NAV2: variants seen among roughly 807,000 people sequenced by gnomAD.
NAV2 encodes the protein helicase, APC down-regulated 1.
A neutral mutation model predicts 223.2 loss-of-function variants in NAV2; 54 were observed. The observed-to-expected ratio is 0.24, with a 90% CI of 0.19 to 0.30. The LOEUF (loss-of-function observed/expected upper bound fraction) is 0.30, where lower values mean the gene tolerates loss of function less well. Ranked by LOEUF, NAV2 falls within the 10% of genes least tolerant of loss-of-function variation. The probability of loss-of-function intolerance (pLI) is 1.00; values close to 1 mark genes in which losing one functional copy is unlikely to be tolerated. For missense variants in NAV2, 2,806 were observed against 3,147.5 expected (o/e 0.89, Z 2.60); for synonymous variants, 1,279 against 1,239.3 (o/e 1.03, Z -0.67).
intron 11 of NAV2, among the ~76,000 whole-genome samples, chr11:19,991,069 T>G (rs1049486398): frequency 6.6e-6 from 1 of 152,192 alleles, no homozygotes; most frequent in African/African-American, 2.4e-5. Context: ...GAGGATCAAA[T>G]GAGGTGAATG....
At chr11:19,753,850 T>C (rs1180279654) in intron 1 of NAV2, among the ~76,000 whole-genome samples, 1 of 152,188 alleles carries the variant, frequency 6.6e-6, no homozygotes, top group Non-Finnish European at 1.5e-5. Context: ...ATCTCACCTG[T>C]CCCAGCTTTG....
At chr11:19,614,566 A>G (rs755070327) in intron 1 of NAV2, among the ~76,000 whole-genome samples, 3 of 152,126 alleles carry the variant, frequency 2.0e-5, no homozygotes, top group Non-Finnish European at 4.4e-5. Context: ...GTTACACTCA[A>G]TGAACCTACA....
chr11:19,683,056 A>G (rs1417570036), intron 1 of NAV2, among the ~76,000 whole-genome samples: 1 of 152,244 alleles, frequency 6.6e-6, no homozygotes, highest in East Asian at 1.9e-4. Context: ...GCTAGAAGTT[A>G]GAAGATCTGG....
At chr11:20,056,956 C>T (rs1260461165) in intron 19 of NAV2, among the ~76,000 whole-genome samples, 2 of 152,066 alleles carry the variant, frequency 1.3e-5, no homozygotes, top group East Asian at 3.9e-4. Context: ...AGCCGTAAAG[C>T]TCTAATAACA....
At chr11:19,506,254 A>T (rs1408464714) in intron 1 of NAV2, 1 of 152,314 alleles carries the variant, frequency 6.6e-6, no homozygotes, top group African/African-American at 2.4e-5. Context: ...AGGTAAGAGG[A>T]GCCAGAAACT....
At chr11:20,086,945 T>C (rs2060484456) in intron 26 of NAV2, among the ~76,000 whole-genome samples, 1 of 151,866 alleles carries the variant, frequency 6.6e-6, no homozygotes, top group African/African-American at 2.4e-5. Context: ...GGTGTAGATT[T>C]GGGAGACACA....
At position 19,860,081 on chromosome 11, in the gene NAV2, C is replaced by G. The variant is rs1312970289; in HGVS notation, c.439-8844C>G. Among the ~76,000 whole-genome samples the G allele has an allele frequency of 2.7e-3, 327 of 120,956 alleles. 2 individuals carry two copies. Among genetic ancestry groups the G allele is most frequent in the Admixed American group, 4.0e-3 (51 of 12,640 alleles). 79.4% of individuals were successfully genotyped at this position (120,956 alleles called of 152,430 possible). A position where few individuals can be genotyped will look rare whatever the true frequency, so the allele number is the denominator to read the frequency against. The stretch of plus-strand genomic sequence containing the variant: ...CTCCCTCCTGGACGGGGCGGCTGGC[C>G]GGGCAGAGGGGCTCCTCACTTCCCA... On this transcript the variant is annotated intron_variant, in intron 3 of 37. Coordinates refer to ENST00000349880, the MANE Select transcript of NAV2 (RefSeq NM_145117.5).
At chr11:19,428,695 T>A (rs939038939) in intron 1 of NAV2, among the ~76,000 whole-genome samples, 4 of 152,230 alleles carry the variant, frequency 2.6e-5, no homozygotes, top group Non-Finnish European at 4.4e-5. Flanking sequence ...AGCAGTCATC[T>A]TTCCTCTATG....
chr11:19,376,268 A>AAAAC (rs751368228), intron 1 of NAV2, among the ~76,000 whole-genome samples: 1 of 152,238 alleles, frequency 6.6e-6, no homozygotes, highest in Non-Finnish European at 1.5e-5. Context: ...GTGGATTTAA[A>AAAAC]AAACAAACAA....
At chr11:19,349,493 G>T (rs1165588975), upstream of NAV2, among the ~76,000 whole-genome samples, 1 of 152,204 alleles carries the variant, frequency 6.6e-6, no homozygotes, top group Non-Finnish European at 1.5e-5. Flanking sequence ...GAGGGTCTGT[G>T]GGTTTCTGTC....
At position 19,944,574 on chromosome 11, in the gene NAV2, A is replaced by C. The variant is rs151057031; in HGVS notation, c.2147-1827A>C. ...TTCTTTTCTTTCCCTTTCCCTTTCC[A>C]TTTCCATTTCCATTTTCCTTTCCTT... On this transcript the variant is annotated intron_variant, in intron 8 of 37. Coordinates refer to ENST00000349880, the MANE Select transcript of NAV2 (RefSeq NM_145117.5). Among the ~76,000 whole-genome samples the C allele has an allele frequency of 1.3e-3, 132 of 103,758 alleles. 1 individual carries two copies. The highest frequency in any genetic ancestry group is 5.6e-4 in the Non-Finnish European group (29 of 51,798). 68.1% of individuals were successfully genotyped at this position (103,758 alleles called of 152,430 possible).
intron 1 of NAV2, among the ~76,000 whole-genome samples, chr11:19,431,892 T>C (rs1439249709): frequency 1.3e-5 from 2 of 152,208 alleles, no homozygotes; most frequent in Non-Finnish European, 2.9e-5. Context: ...CATAGTGTGA[T>C]CTGGTTGTCG....
chr11:20,050,175 G>T (rs940610777), intron 16 of NAV2, among the ~76,000 whole-genome samples: 1 of 152,082 alleles, frequency 6.6e-6, no homozygotes, highest in Non-Finnish European at 1.5e-5. Context: ...GGAAGCTCTC[G>T]CTTGCATCTC....
At chr11:19,742,403 T>A (rs751412712) in intron 1 of NAV2, among the ~76,000 whole-genome samples, 1 of 152,244 alleles carries the variant, frequency 6.6e-6, no homozygotes, top group African/African-American at 2.4e-5. Flanking sequence ...TGGCACATAG[T>A]TAGTGCCCAA....
At chr11:19,660,202 G>A (rs1036765671) in intron 1 of NAV2, among the ~76,000 whole-genome samples, 62 of 152,126 alleles carry the variant, frequency 4.1e-4, no homozygotes, top group African/African-American at 1.4e-3. Flanking sequence ...TTGGTAGCAC[G>A]GCAAGTCTGG....
intron 1 of NAV2, among the ~76,000 whole-genome samples, chr11:19,424,295 T>C (rs988727722): frequency 6.6e-6 from 1 of 152,216 alleles, no homozygotes; most frequent in Non-Finnish European, 1.5e-5. Context: ...AGATTACTAG[T>C]TCTCTAAGTA....
chr11:19,987,761 C>T (rs1389154628), intron 11 of NAV2, among the ~76,000 whole-genome samples: 1 of 152,198 alleles, frequency 6.6e-6, no homozygotes, highest in African/African-American at 2.4e-5. Flanking sequence ...TCTTGTCACT[C>T]TTTAGGGTTG....
intron 3 of NAV2, among the ~76,000 whole-genome samples, chr11:19,867,762 A>G (rs2062187021): frequency 1.3e-5 from 2 of 152,212 alleles, no homozygotes; most frequent in South Asian, 2.1e-4. Flanking sequence ...CAGGTATCCC[A>G]TAGCTTAATT....
chr11:19,627,170 C>T (rs1320292376), intron 1 of NAV2, among the ~76,000 whole-genome samples: 1 of 152,100 alleles, frequency 6.6e-6, no homozygotes, highest in Non-Finnish European at 1.5e-5. Context: ...GGTGGATCGC[C>T]TGAGGTCAGG....
Sources: gnomAD v4.1 joint callset for allele counts (sites outside exome capture counted in the v4.1 genomes callset) on GRCh38, gnomAD v4.1.1 for gene constraint, MANE v1.5 for transcripts, NCBI Gene and HGNC (gene_info 2026-07-23, HGNC 2026-07-21) for gene names.